COPS8: variants seen among roughly 807,000 people sequenced by gnomAD.
The protein encoded by COPS8 is COP9 signalosome complex subunit 8.
COPS8 carries 11 observed loss-of-function variants against 31.5 expected under a neutral mutation model. That is an observed-to-expected ratio of 0.35 (90% CI 0.22 to 0.58). The LOEUF (loss-of-function observed/expected upper bound fraction) is 0.58. Among genes scored for constraint, COPS8 ranks in the 20% least tolerant of loss-of-function variants. The probability of loss-of-function intolerance (pLI) is 0.83; values close to 1 mark genes in which losing one functional copy is unlikely to be tolerated. For synonymous variants in COPS8, 81 were observed against 89.3 expected (o/e 0.91, Z 0.52); for missense variants, 215 against 255.1 (o/e 0.84, Z 1.07).
chr2:237,096,013 T>TA, intron 6 of COPS8, 129 bp downstream of exon 6: 1 of 650,228 alleles, frequency 1.5e-6, no homozygotes, highest in Non-Finnish European at 2.8e-6. Flanking sequence ...TAACTCATTT[T>TA]AAATAAAGCG....
rs551611033 is a variant in COPS8, at chr2:237,098,194, G to T, written c.*452G>T. ...TGGGGATTATGATTCACCCTCTTTGGAGAACATGCTCTCTTTTCACCCCCC... is the reference window on the plus strand; with the variant it reads ...TGGGGATTATGATTCACCCTCTTTGTAGAACATGCTCTCTTTTCACCCCCC... On this transcript the variant is annotated 3_prime_UTR_variant, in exon 8 of 8. Coordinates refer to ENST00000354371, the MANE Select transcript of COPS8 (RefSeq NM_006710.5). 14 of 155,936 alleles carry T rather than the reference G, an allele frequency of 9.0e-5. No homozygotes were observed. The highest frequency in any genetic ancestry group is 1.1e-4 in the Non-Finnish European group (8 of 70,054). 9.7% of individuals were successfully genotyped at this position (155,936 alleles called of 1,614,324 possible).
chr2:237,086,686 A>G, intron 1 of COPS8: 1 of 492,752 alleles, frequency 2.0e-6, no homozygotes, highest in Non-Finnish European at 2.6e-6. Flanking sequence ...AATGGAAAGA[A>G]TTGTCTTTGC....
chr2:237,097,219 G>GTT (rs1478023230), intron 7 of COPS8, among the ~76,000 whole-genome samples: 1 of 121,862 alleles, frequency 8.2e-6, no homozygotes, highest in Admixed American at 7.8e-5. Context: ...TTCTTTGTGG[G>GTT]TTTTCTTTTT....
chr2:237,092,049 C>T (rs1004348809), intron 4 of COPS8, among the ~76,000 whole-genome samples: 1 of 152,240 alleles, frequency 6.6e-6, no homozygotes, highest in African/African-American at 2.4e-5. Flanking sequence ...CTGTCTCCAG[C>T]ACTGGCAGTG....
At chr2:237,090,908 A>G (rs1456326831) in intron 4 of COPS8, among the ~76,000 whole-genome samples, 1 of 152,238 alleles carries the variant, frequency 6.6e-6, no homozygotes, top group Non-Finnish European at 1.5e-5. Context: ...GTGTGGAAGA[A>G]GATTGCACAG....
At chr2:237,091,570 TCTTAA>T (rs1024578978) in intron 4 of COPS8, among the ~76,000 whole-genome samples, 8 of 152,266 alleles carry the variant, frequency 5.3e-5, no homozygotes, top group Admixed American at 1.3e-4. Context: ...ACATTTTGCT[TCTTAA>T]CTTATTAGAA....
chr2:237,091,273 T>A (rs1696702395), intron 4 of COPS8, among the ~76,000 whole-genome samples: 1 of 152,244 alleles, frequency 6.6e-6, no homozygotes, highest in African/African-American at 2.4e-5. Context: ...GTTTAAGCTC[T>A]GGGTCCTTGC....
In COPS8 at chr2:237,100,062, C is replaced by T. The variant is rs1696869021; in HGVS notation, c.*2320C>T. The T allele has an allele frequency of 6.6e-6, 1 of 152,094 alleles. No homozygotes were observed. Among genetic ancestry groups the T allele is most frequent in the Admixed American group, 6.5e-5 (1 of 15,270 alleles). The allele number at this position is 152,094 out of a possible 1,614,324, so 9.4% of individuals were successfully genotyped here. A position where few individuals can be genotyped will look rare whatever the true frequency, so the allele number is the denominator to read the frequency against. ...ATTGATATGCTGCCAATCTCTAAAG[C>T]AACAAAATCGAACCTGTAGGGTAGT... On this transcript the variant is annotated 3_prime_UTR_variant, in exon 8 of 8. Coordinates refer to ENST00000354371, the MANE Select transcript of COPS8 (RefSeq NM_006710.5).
intron 3 of COPS8, among the ~76,000 whole-genome samples, chr2:237,089,404 A>T (rs1696670424): frequency 6.6e-6 from 1 of 152,206 alleles, no homozygotes; most frequent in Non-Finnish European, 1.5e-5. Context: ...CAATGGCGTT[A>T]GTGGAAACTC....
rs190384094 is a variant in COPS8, at chr2:237,096,750, A to G, written c.503-72A>G. ...CCGTTAAATGCATGTTGTGCTGAAA[A>G]TAGCATGTTCTATGAAAGATCTTTA... On this transcript the variant is annotated intron_variant, in intron 6 of 7. Transcript: ENST00000354371. 4.2e-6 allele frequency: 5 copies of G among 1,184,284 alleles called. No individual in the cohort carries two copies. In the East Asian group the frequency reaches 9.3e-5, roughly 22 times the overall value. 73.4% of individuals were successfully genotyped at this position (1,184,284 alleles called of 1,614,324 possible). A position where few individuals can be genotyped will look rare whatever the true frequency, so the allele number is the denominator to read the frequency against.
intron 3 of COPS8, among the ~76,000 whole-genome samples, chr2:237,089,508 T>C (rs186799003): frequency 2.0e-5 from 3 of 152,210 alleles, no homozygotes; most frequent in Non-Finnish European, 2.9e-5. Context: ...TATATATTCA[T>C]AATATATCTA....
At chr2:237,096,551 G>A in intron 6 of COPS8, 1 of 463,226 alleles carries the variant, frequency 2.2e-6, no homozygotes, top group South Asian at 2.8e-5. Flanking sequence ...TACTCGGAAT[G>A]CCTATGTTTA....
intron 2 of COPS8, 62 bp from the exon 3 acceptor site, chr2:237,088,543 A>T (rs910989685): frequency 7.8e-7 from 1 of 1,281,600 alleles, no homozygotes; most frequent in African/African-American, 1.5e-5. Context: ...GGTAGTTTTT[A>T]ACATTTCCTG....
chr2:237,098,090 T>A lies in COPS8; in HGVS notation c.*348T>A, dbSNP rs140709554. 6.5e-4 allele frequency: 117 copies of A among 179,946 alleles called. No homozygotes were observed. Among genetic ancestry groups the A allele is most frequent in the Non-Finnish European group, 1.1e-3 (91 of 84,590 alleles). The allele number at this position is 179,946 out of a possible 1,614,324, so 11.1% of individuals were successfully genotyped here. The stretch of plus-strand genomic sequence containing the variant: ...TGTCCCAGCACATGCCGTACTCTTA[T>A]ATGTACCATTGGTTGATAATTATAA... On this transcript the variant is annotated 3_prime_UTR_variant, in exon 8 of 8. Transcript: ENST00000354371.
At chr2:237,097,104 C>T (rs1443557614) in intron 7 of COPS8, among the ~76,000 whole-genome samples, 3 of 152,150 alleles carry the variant, frequency 2.0e-5, no homozygotes, top group Non-Finnish European at 4.4e-5. Context: ...TTCTTATTCT[C>T]ATGTCAGGGA....
intron 5 of COPS8, 99 bp from the exon 6 acceptor site, chr2:237,095,723 C>T: frequency 2.7e-6 from 2 of 754,688 alleles, no homozygotes; most frequent in Non-Finnish European, 4.7e-6. Flanking sequence ...TTATACTAAA[C>T]ACATCAGGTC....
rs1696845807 is a variant in COPS8, at chr2:237,098,700, C to A, written c.*958C>A. 1 of 152,188 alleles carries A rather than the reference C, an allele frequency of 6.6e-6. No homozygotes were observed. Among genetic ancestry groups the A allele is most frequent in the African/African-American group, 2.4e-5 (1 of 41,452 alleles). The allele number at this position is 152,188 out of a possible 1,614,324, so 9.4% of individuals were successfully genotyped here. A position where few individuals can be genotyped will look rare whatever the true frequency, so the allele number is the denominator to read the frequency against. On this transcript the variant is annotated 3_prime_UTR_variant, in exon 8 of 8. Coordinates refer to ENST00000354371, the MANE Select transcript of COPS8 (RefSeq NM_006710.5). Reference sequence around the variant, plus strand: ...ATTTAACTGAATTCTTCAATTATTTCATCTAAGATAGTTTCTGGAAATTTC... The same window carrying A: ...ATTTAACTGAATTCTTCAATTATTTAATCTAAGATAGTTTCTGGAAATTTC...
chr2:237,097,821 A>G lies in COPS8; in HGVS notation c.*79A>G, dbSNP rs958754980. 9.5e-6 allele frequency: 10 copies of G among 1,048,534 alleles called. No individual in the cohort carries two copies. In the African/African-American group the frequency reaches 9.6e-5, roughly 10 times the overall value. The allele number at this position is 1,048,534 out of a possible 1,614,324, so 65.0% of individuals were successfully genotyped here. On this transcript the variant is annotated 3_prime_UTR_variant, in exon 8 of 8. Coordinates refer to ENST00000354371, the MANE Select transcript of COPS8 (RefSeq NM_006710.5). ...TAGAAATGTAAAGTTTGTATTTTCA[A>G]TTTATTGGATGGCTTAAGCACCTCA...
chr2:237,089,735 A>C (rs1323782052), intron 3 of COPS8, 127 bp from the exon 4 acceptor site: 2 of 933,218 alleles, frequency 2.1e-6, no homozygotes, highest in Admixed American at 2.6e-5. Flanking sequence ...TTTAAAATAA[A>C]TGTTGAATTA....
Sources: allele counts gnomAD v4.1 joint callset (sites outside exome capture counted in the v4.1 genomes callset), GRCh38; gene constraint gnomAD v4.1.1; transcripts MANE v1.5; gene names NCBI Gene and HGNC (gene_info 2026-07-23, HGNC 2026-07-21).